The following MGAM variants were observed in gnomAD, a reference collection of about 807,000 sequenced individuals.
MGAM encodes the protein alpha-1,4-glucosidase.
MGAM carries 253 observed loss-of-function variants against 358.8 expected under a neutral mutation model. The observed-to-expected ratio is 0.71, with a 90% CI of 0.64 to 0.78. The LOEUF is 0.78. Ranked by LOEUF, MGAM falls within the 30% of genes least tolerant of loss-of-function variation. The pLI is 0.00. For missense variants in MGAM, 3,080 were observed against 3,432.6 expected (o/e 0.90, Z 2.57); for synonymous variants, 1,105 against 1,227.1 (o/e 0.90, Z 2.08).
chr7:142,015,785 CTTG>C (rs552508800), intron 3 of MGAM, among the ~76,000 whole-genome samples: 53 of 151,896 alleles, frequency 3.5e-4, no homozygotes, highest in African/African-American at 1.2e-3. Context: ...TAGTAAGATA[CTTG>C]TTGTACAGTT....
At chr7:142,067,960 ATATAAAT>A (rs1812949531) in intron 42 of MGAM, among the ~76,000 whole-genome samples, 1 of 40,184 alleles carries the variant, frequency 2.5e-5, no homozygotes, top group African/African-American at 7.5e-5. Flanking sequence ...ATATATATAT[ATATAAAT>A]ATATATATAT....
intron 2 of MGAM, among the ~76,000 whole-genome samples, chr7:142,005,922 C>A (rs1554452236): frequency 6.6e-6 from 1 of 151,726 alleles, no homozygotes; most frequent in African/African-American, 2.4e-5. Context: ...TTAAATAAGT[C>A]TAATTCTGCT....
At chr7:142,100,562 A>G (rs1188213465) in intron 67 of MGAM, among the ~76,000 whole-genome samples, 2 of 152,226 alleles carry the variant, frequency 1.3e-5, no homozygotes, top group African/African-American at 4.8e-5. Context: ...GGTTGTCATT[A>G]TTTTAAGAGC....
intron 1 of MGAM, among the ~76,000 whole-genome samples, chr7:141,998,850 T>G (rs1335790576): frequency 2.0e-5 from 3 of 152,192 alleles, no homozygotes; most frequent in Non-Finnish European, 4.4e-5. Flanking sequence ...CCACAATGCT[T>G]GAACTAATTT....
chr7:142,009,920 G>T (rs1298267273), intron 3 of MGAM, among the ~76,000 whole-genome samples: 1 of 152,174 alleles, frequency 6.6e-6, no homozygotes, highest in Non-Finnish European at 1.5e-5. Flanking sequence ...GCTGAAAGAG[G>T]ATGGTGGGAA....
intron 70 of MGAM, 51 bp from the exon 71 acceptor site, chr7:142,105,763 C>G: frequency 2.2e-6 from 3 of 1,377,412 alleles, no homozygotes; most frequent in South Asian, 2.3e-5. Flanking sequence ...TATTTGCATG[C>G]AGGAAATTTC....
rs782341305 is a variant in MGAM, at chr7:142,030,650, A to G, written c.1363A>G (p.Ile455Val). 1.1e-5 allele frequency: 17 copies of G among 1,612,106 alleles called. No homozygotes were observed. Among genetic ancestry groups the G allele is most frequent in the Admixed American group, 5.0e-5 (3 of 59,976 alleles). The part of the protein sequence containing the change: ...QKLVIIVDPA[I>V]SNNSSSSKPY... ...TTCTTCCTATTTTTAGGATCCAGCC[A>G]TCTCCAACAACTCTTCCTCAAGTAA... The change falls in exon 12 of 71, where the codon ATC becomes GTC. Residue 455 changes from isoleucine to valine, a missense_variant. By Grantham distance (29) the Ile-to-Val change is conservative. Coordinates refer to ENST00000475668, the MANE Select transcript of MGAM (RefSeq NM_001365693.1).
Position 142,054,953 on chromosome 7 carries a change from C to T in MGAM, c.3314+45C>T, listed in dbSNP as rs191853130. 369 of 1,595,514 alleles carry T rather than the reference C, an allele frequency of 2.3e-4. 1 individual carries two copies. The African/African-American group carries it at 4.2e-3, about 18-fold the overall frequency. ...ACTCAGAGTTGATGGCTACCTGCGC[C>T]TTCGCTGCCAGGTCCATTGTCCTTG... is the stretch of plus-strand genomic sequence containing the variant. On this transcript the variant is annotated intron_variant, in intron 27 of 70. Transcript: ENST00000475668.
chr7:142,036,235 T>C lies in MGAM; in HGVS notation c.2026T>C (p.Leu676=). 3 of 1,612,000 alleles carry C rather than the reference T, an allele frequency of 1.9e-6. No homozygotes were observed. The highest frequency in any genetic ancestry group is 1.7e-4 in the Middle Eastern group (1 of 6,052). ...PEELCRRWMQ[L]GAFYPFSRNH... is the part of the protein sequence containing the mutation. ...GGAGCTCTGTAGGCGGTGGATGCAG[T>C]TGGGTGCATTTTATCCGTTTTCTAG... The change falls in exon 17 of 71, where the codon TTG becomes CTG. Residue 676 remains leucine (L), a synonymous_variant. Transcript: ENST00000475668.
intron 70 of MGAM, among the ~76,000 whole-genome samples, chr7:142,105,341 A>G (rs1219758083): frequency 6.6e-6 from 1 of 151,216 alleles, no homozygotes; most frequent in African/African-American, 2.4e-5. Context: ...AGGCTGAAGT[A>G]CACTGGTGCA....
At chr7:142,104,963 C>T (rs1469131488) in intron 70 of MGAM, among the ~76,000 whole-genome samples, 1 of 152,040 alleles carries the variant, frequency 6.6e-6, no homozygotes, top group East Asian at 1.9e-4. Context: ...GCATTCTTTA[C>T]AGTTATTTCC....
At position 142,083,230 on chromosome 7, in the gene MGAM, T is replaced by A; in HGVS notation, c.6269-71T>A. On this transcript the variant is annotated intron_variant, in intron 52 of 70. Transcript: ENST00000475668. ...TAGGGAGGGTGCAGGAAATAGAGAA[T>A]GTGTGGATTTCAGGGGTGATTCATG... 3 of 1,167,492 alleles carry A rather than the reference T, an allele frequency of 2.6e-6. No individual in the cohort carries two copies. In the South Asian group the frequency reaches 4.1e-5, roughly 16 times the overall value. 72.3% of individuals were successfully genotyped at this position (1,167,492 alleles called of 1,614,324 possible).
intron 10 of MGAM, among the ~76,000 whole-genome samples, chr7:142,029,297 T>C (rs1388547229): frequency 6.6e-6 from 1 of 151,962 alleles, no homozygotes; most frequent in Non-Finnish European, 1.5e-5. Context: ...GAGGTGGAGG[T>C]TGCAGTGAGC....
chr7:142,034,548 C>T lies in MGAM; in HGVS notation c.1788-122C>T, dbSNP rs1014919223. ...CTCCCAACAGGGACTCTAATTGTAC[C>T]GAAAGAGAGTTGGAAGAGAATGGGT... On this transcript the variant is annotated intron_variant, in intron 15 of 70. Coordinates refer to ENST00000475668, the MANE Select transcript of MGAM (RefSeq NM_001365693.1). The T allele has an allele frequency of 1.1e-4, 117 of 1,027,806 alleles. 1 individual carries two copies. The highest frequency in any genetic ancestry group is 2.2e-4 in the South Asian group (13 of 59,864). 63.7% of individuals were successfully genotyped at this position (1,027,806 alleles called of 1,614,324 possible).
chr7:141,989,499 A>G (rs1286990677), intron 2 of MGAM, among the ~76,000 whole-genome samples: 1 of 150,996 alleles, frequency 6.6e-6, no homozygotes, highest in Non-Finnish European at 1.5e-5. Flanking sequence ...TAAGTAGAGG[A>G]CCTCATATTT....
intron 64 of MGAM, chr7:142,096,069 T>G (rs1178206387): frequency 3.3e-5 from 20 of 598,268 alleles, no homozygotes; most frequent in Non-Finnish European, 5.9e-5. Context: ...TCCTTGCATT[T>G]GAAGTTTGCC....
chr7:142,050,900 A>G lies in MGAM; in HGVS notation c.2805+36A>G, dbSNP rs768468821. The G allele has an allele frequency of 3.1e-6, 5 of 1,612,716 alleles. No individual in the cohort carries two copies. The East Asian group carries it at 1.1e-4, about 36-fold the overall frequency. ...ATTTTGTTGAGATGGTACATTGAGAATTCTCCATAGCATCGTGATGTTCCT... is the reference window on the plus strand; with the variant it reads ...ATTTTGTTGAGATGGTACATTGAGAGTTCTCCATAGCATCGTGATGTTCCT... On this transcript the variant is annotated intron_variant, in intron 24 of 70. Transcript: ENST00000475668.
intron 1 of MGAM, among the ~76,000 whole-genome samples, chr7:142,003,369 A>T (rs540854802): frequency 8.0e-4 from 121 of 152,170 alleles, no homozygotes; most frequent in Non-Finnish European, 1.4e-3. Context: ...ATAGAAATAG[A>T]CATATAAATC....
At position 142,099,714 on chromosome 7, in the gene MGAM, G is replaced by A; in HGVS notation, c.7851G>A (p.Glu2617=). The A allele has an allele frequency of 4.3e-6, 7 of 1,613,988 alleles. 1 individual carries two copies. Among genetic ancestry groups the A allele is most frequent in the Non-Finnish European group, 3.4e-6 (4 of 1,179,876 alleles). ...VRGGYILPWQ[E]PALNTHLSRQ... is the part of the protein sequence containing the mutation. ...GGGGCTACATCCTGCCCTGGCAAGA[G>A]CCTGCACTGAACACCCACTTAAGGT... The change falls in exon 67 of 71, where the codon GAG becomes GAA. Residue 2617 remains glutamate (E), a synonymous_variant. Coordinates refer to ENST00000475668, the MANE Select transcript of MGAM (RefSeq NM_001365693.1).
Sources: gnomAD v4.1 joint callset for allele counts (sites outside exome capture counted in the v4.1 genomes callset) on GRCh38, gnomAD v4.1.1 for gene constraint, MANE v1.5 for transcripts, NCBI Gene and HGNC (gene_info 2026-07-23, HGNC 2026-07-21) for gene names.